Variants in TSPAN18 observed in about 807,000 individuals in gnomAD.
The protein encoded by TSPAN18 is tetraspanin 18, also known as tetraspanin-18.
In TSPAN18, 14 loss-of-function variants were observed where a neutral mutation model predicts 27.3. The observed-to-expected ratio is 0.51, with a 90% confidence interval of 0.34 to 0.80. The LOEUF is 0.80. TSPAN18 is among the 30% of genes least tolerant of loss of function. The pLI is 0.01. For synonymous variants in TSPAN18, 143 were observed against 136.5 expected, an observed-to-expected ratio of 1.05 and a Z score of -0.33; for missense variants, 268 against 323.9, an observed-to-expected ratio of 0.83 and a Z score of 1.32.
chr11:44,851,784 C>A (rs863159), intron 2 of TSPAN18, among the ~76,000 whole-genome samples: 78,580 of 151,870 alleles, frequency 0.52, 21,637 homozygotes, highest in Non-Finnish European at 0.61. Context: ...TCATCTCCAA[C>A]ACCCATTGCA....
intron 2 of TSPAN18, among the ~76,000 whole-genome samples, chr11:44,807,637 A>C (rs990516144): frequency 1.3e-5 from 2 of 152,074 alleles, no homozygotes; most frequent in Non-Finnish European, 2.9e-5. Context: ...TGGGTATTGC[A>C]AAATTCCTGG....
chr11:44,793,031 T>G, intron 2 of TSPAN18, among the ~76,000 whole-genome samples: 1 of 151,328 alleles, frequency 6.6e-6, no homozygotes, highest in East Asian at 1.9e-4. Context: ...GCTGGGAAAA[T>G]GGGAAGGGAA....
chr11:44,908,762 G>GGAAAGAAAGAAAGAAAGAAA (rs1859556818), intron 4 of TSPAN18, among the ~76,000 whole-genome samples: 2 of 71,122 alleles, frequency 2.8e-5, no homozygotes, highest in African/African-American at 1.3e-4. Context: ...GAGAGAGAGA[G>GGAAAGAAAGAAAGAAAGAAA]AGAAAGGAGA....
chr11:44,762,568 A>G (rs1413290148), intron 1 of TSPAN18, among the ~76,000 whole-genome samples: 2 of 152,206 alleles, frequency 1.3e-5, no homozygotes, highest in Non-Finnish European at 2.9e-5. Flanking sequence ...TGAAAAATTT[A>G]TATATGTATA....
chr11:44,888,881 C>T, intron 3 of TSPAN18, among the ~76,000 whole-genome samples: 1 of 152,218 alleles, frequency 6.6e-6, no homozygotes, highest in Non-Finnish European at 1.5e-5. Context: ...ACCCAAATCT[C>T]ATCTTGAATT....
intron 2 of TSPAN18, among the ~76,000 whole-genome samples, chr11:44,793,755 C>G (rs896428575): frequency 6.6e-6 from 1 of 152,228 alleles, no homozygotes; most frequent in Non-Finnish European, 1.5e-5. Flanking sequence ...GGAACGTCCT[C>G]CTGTTCTTTA....
At chr11:44,830,931 G>A (rs1857139779) in intron 2 of TSPAN18, among the ~76,000 whole-genome samples, 2 of 152,098 alleles carry the variant, frequency 1.3e-5, no homozygotes, top group Non-Finnish European at 2.9e-5. Context: ...AAATTACCAA[G>A]CTAATTCACA....
intron 6 of TSPAN18, among the ~76,000 whole-genome samples, chr11:44,918,543 G>T (rs1044444360): frequency 6.6e-6 from 1 of 151,512 alleles, no homozygotes; most frequent in Non-Finnish European, 1.5e-5. Flanking sequence ...AGACTGGGGC[G>T]GGGGGTTGGA....
Position 44,919,844 on chromosome 11 carries a change from G to A in TSPAN18, c.460G>A (p.Glu154Lys), listed in dbSNP as rs760465322. The A allele has an allele frequency of 6.8e-6, 11 of 1,614,194 alleles. No homozygotes were observed. The highest frequency in any genetic ancestry group is 3.3e-4 in the Middle Eastern group (2 of 6,062). The change falls in exon 8 of 10, where the codon GAA (glutamate) becomes AAA (lysine). Residue 154 changes from glutamate (E) to lysine (K), a missense_variant. Glu to Lys is a moderately conservative substitution (Grantham distance 56). Coordinates refer to ENST00000520358, the MANE Select transcript of TSPAN18 (RefSeq NM_130783.5). ...TFGCCGVNGPEDFKFASVFRL... is the reference protein window; with the variant it reads ...TFGCCGVNGPKDFKFASVFRL... ...TGGTTGCTGCGGGGTCAACGGGCCT[G>A]AAGACTTTAAGTTTGCATCTGTGTT... is the stretch of plus-strand genomic sequence containing the variant.
At chr11:44,755,989 G>A (rs1024665598) in intron 1 of TSPAN18, among the ~76,000 whole-genome samples, 1 of 152,152 alleles carries the variant, frequency 6.6e-6, no homozygotes, top group Non-Finnish European at 1.5e-5. Context: ...AGAGAGAGAT[G>A]GAGGAGGGAA....
chr11:44,788,932 G>A (rs1295739491), intron 2 of TSPAN18, among the ~76,000 whole-genome samples: 2 of 152,234 alleles, frequency 1.3e-5, no homozygotes, highest in Non-Finnish European at 1.5e-5. Context: ...ATCCACGCAT[G>A]CAGCTGGTGT....
intron 1 of TSPAN18, among the ~76,000 whole-genome samples, chr11:44,742,294 TCC>T (rs1854959585): frequency 1.4e-5 from 1 of 69,202 alleles, no homozygotes; most frequent in East Asian, 2.1e-3. Flanking sequence ...CTTTCTTCCC[TCC>T]CTCCCTCCCT....
rs545886279 is a variant in TSPAN18, at chr11:44,785,671, G to A, written c.-153+21159G>A. Reference sequence around the variant, plus strand: ...AATGTTGATAATGCTCCCTTTGTCTGGGGCCTCCCCCTGCCCCTTTCCTTT... The same window carrying A: ...AATGTTGATAATGCTCCCTTTGTCTAGGGCCTCCCCCTGCCCCTTTCCTTT... On this transcript the variant is annotated intron_variant, in intron 2 of 9. Coordinates refer to ENST00000520358, the MANE Select transcript of TSPAN18 (RefSeq NM_130783.5). Among the ~76,000 whole-genome samples the A allele has an allele frequency of 3.1e-4, 47 of 152,230 alleles. No homozygotes were observed. In the South Asian group the frequency reaches 5.0e-3, roughly 16 times the overall value.
chr11:44,745,492 G>A (rs1182172143), intron 1 of TSPAN18, among the ~76,000 whole-genome samples: 1 of 152,178 alleles, frequency 6.6e-6, no homozygotes, highest in African/African-American at 2.4e-5. Flanking sequence ...CTTATATAAA[G>A]TTCAAAGTCA....
At chr11:44,790,304 TGC>T (rs1856172145) in intron 2 of TSPAN18, among the ~76,000 whole-genome samples, 1 of 150,192 alleles carries the variant, frequency 6.7e-6, no homozygotes, top group African/African-American at 2.5e-5. Flanking sequence ...CATGTGTGTG[TGC>T]ATGTGTTTGT....
At chr11:44,908,787 G>GA (rs1554938088) in intron 4 of TSPAN18, among the ~76,000 whole-genome samples, 1 of 79,546 alleles carries the variant, frequency 1.3e-5, no homozygotes, top group African/African-American at 5.2e-5. Flanking sequence ...AAGAAAGAAA[G>GA]AAAGAAAGAA....
At chr11:44,852,186 G>T (rs571832157) in intron 2 of TSPAN18, among the ~76,000 whole-genome samples, 2 of 152,256 alleles carry the variant, frequency 1.3e-5, no homozygotes, top group African/African-American at 4.8e-5. Context: ...GTGTTCCCAG[G>T]GTTTATTCTT....
At chr11:44,825,003 G>C (rs1293004437) in intron 2 of TSPAN18, among the ~76,000 whole-genome samples, 1 of 152,158 alleles carries the variant, frequency 6.6e-6, no homozygotes, top group Non-Finnish European at 1.5e-5. Flanking sequence ...TCCCAGTTCA[G>C]TGTGGTCAGA....
intron 3 of TSPAN18, chr11:44,903,902 G>A: frequency 2.2e-6 from 1 of 456,602 alleles, no homozygotes; most frequent in Middle Eastern, 3.3e-4. Context: ...TGGAAAATAA[G>A]GATAATAAGA....
Sources: gnomAD v4.1 joint callset for allele counts (sites outside exome capture counted in the v4.1 genomes callset) on GRCh38, gnomAD v4.1.1 for gene constraint, MANE v1.5 for transcripts, NCBI Gene and HGNC (gene_info 2026-07-23, HGNC 2026-07-21) for gene names.